PGPEP1: variants seen among roughly 807,000 people sequenced by gnomAD.
PGPEP1 encodes the protein pyroglutamyl-peptidase I, also known as pyroglutamyl-peptidase 1.
PGPEP1 carries 15 observed loss-of-function variants against 24.1 expected under a neutral mutation model. The ratio of observed to expected loss-of-function variants is 0.62; its 90% CI spans 0.42 to 0.96. PGPEP1 has a LOEUF of 0.96. Among genes scored for constraint, PGPEP1 ranks in the 40% least tolerant of loss-of-function variants. PGPEP1 has a pLI of 0.00. For synonymous variants in PGPEP1, 122 were observed against 116.4 expected (o/e 1.05, Z -0.31); for missense variants, 242 against 273.4 (o/e 0.89, Z 0.81).
chr19:18,343,300 A>G (rs942374988), intron 2 of PGPEP1, among the ~76,000 whole-genome samples: 1 of 152,154 alleles, frequency 6.6e-6, no homozygotes, highest in Non-Finnish European at 1.5e-5. Flanking sequence ...ACGCCCAGCC[A>G]GCTCTTAAAA....
At chr19:18,358,730 C>T (rs1971261760) in intron 4 of PGPEP1, among the ~76,000 whole-genome samples, 1 of 151,970 alleles carries the variant, frequency 6.6e-6, no homozygotes, top group East Asian at 1.9e-4. Flanking sequence ...TTCTTCTGCT[C>T]CAGGCTACCA....
At position 18,357,609 on chromosome 19, in the gene PGPEP1, C is replaced by G. The variant is rs868719937; in HGVS notation, c.431C>G (p.Ala144Gly). 2 of 1,601,346 alleles carry G rather than the reference C, an allele frequency of 1.2e-6. No homozygotes were observed. The highest frequency in any genetic ancestry group is 1.7e-6 in the Non-Finnish European group (2 of 1,173,648). ...GTGTCGGTGACCATCTCGCAGGATG[C>G]CGGCAGGTAGGGCCCTGTGGGGTGG... ...LDVSVTISQD[A>G]GRYLCDFTYY... Residue 144 changes from alanine (A) to glycine (G), a missense_variant, in exon 4 of 5, where the codon GCC becomes GGC. Ala to Gly is a moderately conservative substitution (Grantham distance 60, BLOSUM62 0). Coordinates refer to ENST00000269919, the MANE Select transcript of PGPEP1 (RefSeq NM_017712.4).
chr19:18,363,565 C>T lies in PGPEP1; in HGVS notation c.612C>T (p.Asn204=), dbSNP rs148683240. 398 of 1,613,594 alleles carry T rather than the reference C, an allele frequency of 2.5e-4. 1 individual carries two copies. The highest frequency in any genetic ancestry group is 6.0e-4 in the Admixed American group (36 of 59,920). The change falls in exon 5 of 5, where the codon AAC becomes AAT. Residue 204 remains asparagine (N), a synonymous_variant. Transcript: ENST00000269919. ...TGGAGCAGTCAGAGGGCAAAATCAACTATTGCCACAAACACTGAGGGACGC... is the reference window on the plus strand; with the variant it reads ...TGGAGCAGTCAGAGGGCAAAATCAATTATTGCCACAAACACTGAGGGACGC... ...DLLEQSEGKI[N]YCHKH is the part of the protein sequence containing the mutation.
In PGPEP1 at chr19:18,364,139, T is replaced by TCTTTCTTTCTTTCTTC. The variant is rs1600229346; in HGVS notation, c.*559_*560insTCTTTCTTTCTTCCTT. The TCTTTCTTTCTTTCTTC allele has an allele frequency of 9.1e-6, 1 of 110,292 alleles. No homozygotes were observed. The highest frequency in any genetic ancestry group is 1.8e-5 in the Non-Finnish European group (1 of 56,268). 6.8% of individuals were successfully genotyped at this position (110,292 alleles called of 1,614,324 possible). A position where few individuals can be genotyped will look rare whatever the true frequency, so the allele number is the denominator to read the frequency against. ...TGCTTTCTTTCTTTCTTGCTTTCTT[T>TCTTTCTTTCTTTCTTC]CTTCTCTCTCTCTCTTTTTTTTTTT... is the stretch of plus-strand genomic sequence containing the variant. On this transcript the variant is annotated 3_prime_UTR_variant, in exon 5 of 5. Coordinates refer to ENST00000269919, the MANE Select transcript of PGPEP1 (RefSeq NM_017712.4).
chr19:18,351,267 A>G (rs533235404), intron 2 of PGPEP1, among the ~76,000 whole-genome samples: 104 of 151,952 alleles, frequency 6.8e-4, no homozygotes, highest in African/African-American at 2.5e-3. Flanking sequence ...TCCATCTCAA[A>G]AAAACCAAAC....
In PGPEP1 at chr19:18,369,096, A is replaced by G. The variant is rs975514886; in HGVS notation, c.*5513A>G. ...CTGGGGTTCCACTTAGACCCTTGGCAGAATGGCTGTTGAGGGGCAGGCGCT... is the reference window on the plus strand; with the variant it reads ...CTGGGGTTCCACTTAGACCCTTGGCGGAATGGCTGTTGAGGGGCAGGCGCT... On this transcript the variant is annotated 3_prime_UTR_variant, in exon 5 of 5. Coordinates refer to ENST00000269919, the MANE Select transcript of PGPEP1 (RefSeq NM_017712.4). 3 of 152,364 alleles carry G rather than the reference A, an allele frequency of 2.0e-5. No individual in the cohort carries two copies. The highest frequency in any genetic ancestry group is 7.2e-5 in the African/African-American group (3 of 41,478). The allele number at this position is 152,364 out of a possible 1,614,324, so 9.4% of individuals were successfully genotyped here.
In PGPEP1 at chr19:18,364,087, T is replaced by TG. The variant is rs1261594585; in HGVS notation, c.*504_*505insG. The TG allele has an allele frequency of 1.7e-5, 1 of 59,278 alleles. No individual in the cohort carries two copies. Among genetic ancestry groups the TG allele is most frequent in the African/African-American group, 5.8e-5 (1 of 17,294 alleles). 3.7% of individuals were successfully genotyped at this position (59,278 alleles called of 1,614,324 possible). A position where few individuals can be genotyped will look rare whatever the true frequency, so the allele number is the denominator to read the frequency against. ...TGGGATATGGCTGGCTGGCTGGCTT[T>TG]CTTTCTTTCTTTCTTTCTTTCTTTC... On this transcript the variant is annotated 3_prime_UTR_variant, in exon 5 of 5. Coordinates refer to ENST00000269919, the MANE Select transcript of PGPEP1 (RefSeq NM_017712.4).
At position 18,342,849 on chromosome 19, in the gene PGPEP1, G is replaced by T. The variant is rs372467282; in HGVS notation, c.35-10G>T. ...TCTTGGGTAATATATTGCTTTTCCT[G>T]TTTTTTCAGGATTTGGCCCTTTTGG... is the stretch of plus-strand genomic sequence containing the variant. On this transcript the variant is annotated splice_polypyrimidine_tract_variant and intron_variant, in intron 1 of 4. Transcript: ENST00000269919. 14 of 1,612,002 alleles carry T rather than the reference G, an allele frequency of 8.7e-6. No individual in the cohort carries two copies. Among genetic ancestry groups the T allele is most frequent in the Non-Finnish European group, 1.2e-5 (14 of 1,178,220 alleles).
intron 1 of PGPEP1, among the ~76,000 whole-genome samples, chr19:18,341,713 A>ATT (rs1316065547): frequency 6.6e-6 from 1 of 152,062 alleles, no homozygotes; most frequent in African/African-American, 2.4e-5. Context: ...TACTGTCTCC[A>ATT]TTTTGCAGAA....
intron 2 of PGPEP1, 89 bp from the exon 3 acceptor site, chr19:18,355,805 AG>A (rs1434699607): frequency 1.3e-6 from 1 of 795,434 alleles, no homozygotes; most frequent in African/African-American, 1.7e-5. Context: ...ATGAGTCTGG[AG>A]AACGCCTGTT....
At chr19:18,352,372 A>G (rs1971058612) in intron 2 of PGPEP1, among the ~76,000 whole-genome samples, 1 of 150,954 alleles carries the variant, frequency 6.6e-6, no homozygotes, top group African/African-American at 2.4e-5. Flanking sequence ...TGAGGCCGGG[A>G]AGCAGAGGTT....
intron 3 of PGPEP1, among the ~76,000 whole-genome samples, 161 bp from the exon 4 acceptor site, chr19:18,357,222 T>C (rs1971208439): frequency 6.6e-6 from 1 of 152,186 alleles, no homozygotes; most frequent in African/African-American, 2.4e-5. Flanking sequence ...GCATACCTTT[T>C]TCCAAGAGTG....
intron 2 of PGPEP1, among the ~76,000 whole-genome samples, chr19:18,345,422 C>CAT (rs933283781): frequency 6.6e-6 from 1 of 151,932 alleles, no homozygotes; most frequent in Non-Finnish European, 1.5e-5. Flanking sequence ...CAAAGTTTAA[C>CAT]ATATATACAC....
intron 2 of PGPEP1, among the ~76,000 whole-genome samples, chr19:18,352,053 C>T (rs890394450): frequency 1.1e-4 from 16 of 151,730 alleles, no homozygotes; most frequent in African/African-American, 2.9e-4. Flanking sequence ...GGGCGGATCA[C>T]GAGGTCAGGA....
At chr19:18,343,746 C>T (rs1287974180) in intron 2 of PGPEP1, among the ~76,000 whole-genome samples, 2 of 142,376 alleles carry the variant, frequency 1.4e-5, no homozygotes. Flanking sequence ...TGCAGTGGCG[C>T]GATCTTGGCT....
chr19:18,359,102 A>G (rs966190938), intron 4 of PGPEP1, among the ~76,000 whole-genome samples: 2 of 152,036 alleles, frequency 1.3e-5, no homozygotes, highest in Non-Finnish European at 2.9e-5. Flanking sequence ...AGCCTGGGCA[A>G]CATAAGGAGA....
intron 2 of PGPEP1, among the ~76,000 whole-genome samples, chr19:18,350,530 G>A (rs1367971092): frequency 6.6e-6 from 1 of 152,218 alleles, no homozygotes; most frequent in Non-Finnish European, 1.5e-5. Context: ...TGGCATTTAT[G>A]CCCCACCCAT....
intron 4 of PGPEP1, among the ~76,000 whole-genome samples, chr19:18,360,540 G>C (rs1363329953): frequency 6.6e-6 from 1 of 151,752 alleles, no homozygotes; most frequent in Non-Finnish European, 1.5e-5. Context: ...TTGAGACAGA[G>C]TCTTGCTCTG....
Position 18,357,600 on chromosome 19 carries a change from C to A in PGPEP1, c.422C>A (p.Ser141Ter). Residue 141 changes from serine to a stop codon, truncating the protein, a stop_gained, in exon 4 of 5, where the codon TCG becomes TAG. Transcript: ENST00000269919. LOFTEE classifies it high-confidence loss of function. Reference protein sequence around the residue: ...TLGLDVSVTISQDAGRYLCDF... With the variant: ...TLGLDVSVTI The stretch of plus-strand genomic sequence containing the variant: ...GGCCTGGATGTGTCGGTGACCATCT[C>A]GCAGGATGCCGGCAGGTAGGGCCCT... 12 of 1,606,680 alleles carry A rather than the reference C, an allele frequency of 7.5e-6. No individual in the cohort carries two copies. Among genetic ancestry groups the A allele is most frequent in the Non-Finnish European group, 1.0e-5 (12 of 1,176,516 alleles).
Sources: allele counts gnomAD v4.1 joint callset (sites outside exome capture counted in the v4.1 genomes callset), GRCh38; gene constraint gnomAD v4.1.1; transcripts MANE v1.5; gene names NCBI Gene and HGNC (gene_info 2026-07-23, HGNC 2026-07-21).